The following MYO1H variants were observed in gnomAD, a reference collection of about 807,000 sequenced individuals.
MYO1H encodes the protein unconventional myosin-Ih.
In MYO1H, 118 loss-of-function variants were observed where a neutral mutation model predicts 149.3. That is an observed-to-expected ratio of 0.79 (90% CI 0.68 to 0.92). MYO1H has a LOEUF of 0.92. MYO1H is among the 40% of genes least tolerant of loss of function. The probability of loss-of-function intolerance (pLI) is 0.00; values close to 1 mark genes in which losing one functional copy is unlikely to be tolerated. For missense variants in MYO1H, 1,212 were observed against 1,280.7 expected, an observed-to-expected ratio of 0.95 and a Z score of 0.82; for synonymous variants, 447 against 465.2, an observed-to-expected ratio of 0.96 and a Z score of 0.50.
intron 2 of MYO1H, among the ~76,000 whole-genome samples, chr12:109,390,952 GC>G (rs1869626466): frequency 6.6e-6 from 1 of 152,166 alleles, no homozygotes; most frequent in Admixed American, 6.5e-5. Context: ...ACTGTGCCCG[GC>G]CCACCCATCC....
chr12:109,392,729 C>T (rs7976839), intron 2 of MYO1H, among the ~76,000 whole-genome samples: 1 of 151,500 alleles, frequency 6.6e-6, no homozygotes, highest in Non-Finnish European at 1.5e-5. Context: ...AAAAAGAAGA[C>T]GACTTCCCCA....
intron 1 of MYO1H, among the ~76,000 whole-genome samples, chr12:109,363,732 C>T (rs1309732718): frequency 6.6e-6 from 1 of 151,782 alleles, no homozygotes; most frequent in Non-Finnish European, 1.5e-5. Context: ...GAAGAAGACG[C>T]GTCTTGCTGG....
intron 19 of MYO1H, among the ~76,000 whole-genome samples, chr12:109,428,465 A>C (rs1216773257): frequency 2.0e-5 from 3 of 152,174 alleles, no homozygotes; most frequent in Admixed American, 6.6e-5. Flanking sequence ...GATTTAATGA[A>C]CTATTTCTAC....
At chr12:109,385,928 T>C (rs1307328308) in intron 1 of MYO1H, among the ~76,000 whole-genome samples, 1 of 152,204 alleles carries the variant, frequency 6.6e-6, no homozygotes, top group Non-Finnish European at 1.5e-5. Context: ...CACACAATTT[T>C]AACAGTTTAT....
chr12:109,376,712 G>C (rs183274116), intron 1 of MYO1H, among the ~76,000 whole-genome samples: 1 of 152,116 alleles, frequency 6.6e-6, no homozygotes, highest in African/African-American at 2.4e-5. Flanking sequence ...AGTATGGCTT[G>C]GTAACTAGTA....
chr12:109,397,968 A>C (rs1592792606), intron 5 of MYO1H, among the ~76,000 whole-genome samples, 156 bp downstream of exon 5: 1 of 152,370 alleles, frequency 6.6e-6, no homozygotes. Flanking sequence ...AATGCAAATT[A>C]AGACCACAAT....
At chr12:109,419,504 AT>A (rs200654330) in intron 15 of MYO1H, among the ~76,000 whole-genome samples, 1 of 151,756 alleles carries the variant, frequency 6.6e-6, no homozygotes, top group East Asian at 1.9e-4. Context: ...CTATGCCACC[AT>A]TTTTTTTCTT....
At chr12:109,423,530 C>G (rs1473925586) in intron 16 of MYO1H, among the ~76,000 whole-genome samples, 2 of 152,212 alleles carry the variant, frequency 1.3e-5, no homozygotes, top group Non-Finnish European at 2.9e-5. Context: ...CGCAGTTGAT[C>G]TCCTGAACTC....
At chr12:109,423,975 C>G (rs1871268811) in intron 16 of MYO1H, among the ~76,000 whole-genome samples, 1 of 152,202 alleles carries the variant, frequency 6.6e-6, no homozygotes, top group African/African-American at 2.4e-5. Context: ...GGTCCCATGT[C>G]AGCAAGTCTC....
chr12:109,331,917 T>C, the MYO1H span, among the ~76,000 whole-genome samples: 2 of 152,234 alleles, frequency 1.3e-5, no homozygotes, highest in Admixed American at 6.5e-5. Flanking sequence ...TTGTCTCCAG[T>C]ACAAAGATCA....
chr12:109,371,213 C>CTTTTTTTTTTTTTT (rs34350111), intron 1 of MYO1H, among the ~76,000 whole-genome samples: 16 of 118,328 alleles, frequency 1.4e-4, no homozygotes, highest in East Asian at 2.4e-4. Context: ...TTTTTTCTTT[C>CTTTTTTTTTTTTTT]TTTTTTTTTT....
intron 1 of MYO1H, among the ~76,000 whole-genome samples, chr12:109,373,237 G>A (rs1349144337): frequency 6.6e-6 from 1 of 151,884 alleles, no homozygotes; most frequent in Admixed American, 6.6e-5. Flanking sequence ...CCAGTACTTC[G>A]AATTAGGACG....
chr12:109,367,993 A>G (rs561018967), intron 1 of MYO1H, among the ~76,000 whole-genome samples: 37 of 152,308 alleles, frequency 2.4e-4, no homozygotes, highest in African/African-American at 8.9e-4. Context: ...TGCTGGGACT[A>G]CAGGTGTTGC....
At chr12:109,397,702 A>G (rs750304569) in intron 4 of MYO1H, 30 bp from the exon 5 acceptor site, 4 of 1,583,960 alleles carry the variant, frequency 2.5e-6, no homozygotes, top group Non-Finnish European at 3.4e-6. Flanking sequence ...GTGAGCTTAA[A>G]TGACAGTGAA....
At chr12:109,421,991 T>C (rs1751066357) in intron 16 of MYO1H, among the ~76,000 whole-genome samples, 1 of 151,918 alleles carries the variant, frequency 6.6e-6, no homozygotes, top group Admixed American at 6.6e-5. Flanking sequence ...CCCAACTAAT[T>C]TTTTTGTTTG....
the MYO1H span, among the ~76,000 whole-genome samples, chr12:109,320,506 C>G: frequency 7.3e-6 from 1 of 137,086 alleles, no homozygotes; most frequent in African/African-American, 2.7e-5. Flanking sequence ...TGCCTGTAAT[C>G]TCAGCTATTT....
At chr12:109,438,426 C>A in intron 22 of MYO1H, 110 bp from the exon 23 acceptor site, 1 of 785,940 alleles carries the variant, frequency 1.3e-6, no homozygotes, top group Non-Finnish European at 2.2e-6. Flanking sequence ...TAACAGAGTG[C>A]TGCGGTGGGC....
chr12:109,333,058 A>G, the MYO1H span, among the ~76,000 whole-genome samples: 6 of 152,246 alleles, frequency 3.9e-5, no homozygotes, highest in East Asian at 7.7e-4. Flanking sequence ...CATGGCTCAC[A>G]CCTGTAATCC....
chr12:109,427,899 A>ATATATATAT lies in MYO1H; in HGVS notation c.1949+313_1949+314insTATATATAT, dbSNP rs1566038875. On this transcript the variant is annotated intron_variant, in intron 19 of 31. Coordinates refer to ENST00000310903, the Ensembl canonical transcript of MYO1H. ...ATCTCTACAAAAAAAAAAAAAAAAA[A>ATATATATAT]AAAAAAAAAAATATATATATATATA... 3.7e-3 allele frequency among the ~76,000 whole-genome samples: 189 copies of ATATATATAT among 51,374 alleles called. 8 individuals carry two copies. Among genetic ancestry groups the ATATATATAT allele is most frequent in the African/African-American group, 0.014 (183 of 13,154 alleles). 33.7% of individuals were successfully genotyped at this position (51,374 alleles called of 152,430 possible).
Sources: gnomAD v4.1 joint callset for allele counts (sites outside exome capture counted in the v4.1 genomes callset) on GRCh38, gnomAD v4.1.1 for gene constraint, MANE v1.5 for transcripts, NCBI Gene and HGNC (gene_info 2026-07-23, HGNC 2026-07-21) for gene names.